Variants in PDS5A observed in about 807,000 individuals in gnomAD.
PDS5A encodes PDS5 cohesin associated factor A, also known as sister chromatid cohesion protein PDS5 homolog A.
PDS5A carries 42 observed loss-of-function variants against 167.1 expected under a neutral mutation model. The observed-to-expected ratio is 0.25, with a 90% confidence interval of 0.20 to 0.33. The LOEUF is 0.33. Among genes scored for constraint, PDS5A ranks in the 10% least tolerant of loss-of-function variants. The pLI is 1.00. For missense variants in PDS5A, 1,033 were observed against 1,605.9 expected (o/e 0.64, Z 6.10); for synonymous variants, 553 against 554.6 (o/e 1.00, Z 0.04).
chr4:39,952,962 T>C lies in PDS5A; in HGVS notation c.138+23478A>G, dbSNP rs561074152. 2.6e-5 allele frequency among the ~76,000 whole-genome samples: 4 copies of C among 152,214 alleles called. 1 individual carries two copies. The highest frequency in any genetic ancestry group is 2.0e-4 in the Admixed American group (3 of 15,268). On this transcript the variant is annotated intron_variant, in intron 2 of 32. Coordinates refer to ENST00000303538, the MANE Select transcript of PDS5A (RefSeq NM_001100399.2). ...TAGGCTGGTCTGGAACTCCTGACTT[T>C]AGGTTATCTGCCAGCCTTGGCCTCC...
At chr4:39,956,561 A>G (rs1422805254) in intron 2 of PDS5A, among the ~76,000 whole-genome samples, 1 of 152,024 alleles carries the variant, frequency 6.6e-6, no homozygotes, top group East Asian at 1.9e-4. Context: ...AAACAAAGCT[A>G]TACAACATTA....
At chr4:39,963,489 C>T (rs1729692742) in intron 2 of PDS5A, among the ~76,000 whole-genome samples, 1 of 151,810 alleles carries the variant, frequency 6.6e-6, no homozygotes, top group Non-Finnish European at 1.5e-5. Flanking sequence ...ACACAGTGGC[C>T]TGTAATCCTA....
Position 39,977,207 on chromosome 4 carries a change from C to T in PDS5A, c.-41+250G>A, listed in dbSNP as rs1355266794. On this transcript the variant is annotated intron_variant, in intron 1 of 32. Coordinates refer to ENST00000303538, the MANE Select transcript of PDS5A (RefSeq NM_001100399.2). This position sits in a 1 kb window ranked among gnomAD's most constrained non-coding sequence, Gnocchi z 4.2. ...GAGGGGAAAACAAGCCGCCCTCCAC[C>T]CTCAGCCCCACGCCAGGAAGCGGCT... 6.6e-6 allele frequency among the ~76,000 whole-genome samples: 1 copy of T among 152,148 alleles called. No individual in the cohort carries two copies. Among genetic ancestry groups the T allele is most frequent in the Admixed American group, 6.5e-5 (1 of 15,282 alleles).
chr4:39,887,846 C>G (rs1301753664), intron 17 of PDS5A, among the ~76,000 whole-genome samples: 1 of 152,002 alleles, frequency 6.6e-6, no homozygotes, highest in Non-Finnish European at 1.5e-5. Context: ...ATAACCAGAA[C>G]ATGTAAGGAG....
intron 32 of PDS5A, among the ~76,000 whole-genome samples, chr4:39,834,252 C>T (rs1716185142): frequency 6.6e-6 from 1 of 151,384 alleles, no homozygotes; most frequent in South Asian, 2.1e-4. Flanking sequence ...GAAAAGCAGA[C>T]TGGTCAAGAG....
chr4:39,912,477 T>G (rs1560477314), intron 9 of PDS5A, among the ~76,000 whole-genome samples: 1 of 152,334 alleles, frequency 6.6e-6, no homozygotes, highest in East Asian at 1.9e-4. Flanking sequence ...ATTCAACTAT[T>G]TAGCATTTAT....
chr4:39,899,372 C>T (rs1202348969), intron 14 of PDS5A, among the ~76,000 whole-genome samples: 2 of 152,054 alleles, frequency 1.3e-5, no homozygotes, highest in African/African-American at 2.4e-5. Context: ...TAATTTAGTT[C>T]AAAAGTTAGA....
intron 2 of PDS5A, among the ~76,000 whole-genome samples, chr4:39,950,323 A>C (rs1728226486): frequency 6.6e-6 from 1 of 152,046 alleles, no homozygotes; most frequent in Admixed American, 6.6e-5. Context: ...GCTACTTAGA[A>C]GGCTGAGGCA....
chr4:39,934,607 TTTTTTTTC>T (rs1273944662), intron 2 of PDS5A, among the ~76,000 whole-genome samples: 11 of 129,120 alleles, frequency 8.5e-5, no homozygotes, highest in African/African-American at 2.8e-4. Context: ...TAGTATTTCT[TTTTTTTTC>T]TTTTTTTTTT....
chr4:39,923,704 T>C (rs557822118), intron 5 of PDS5A, among the ~76,000 whole-genome samples: 11 of 147,552 alleles, frequency 7.5e-5, no homozygotes, highest in African/African-American at 2.5e-4. Context: ...CACTTCTGCT[T>C]ACATGCCCCA....
chr4:39,886,751 C>T (rs1041415970), intron 17 of PDS5A, among the ~76,000 whole-genome samples: 5 of 151,812 alleles, frequency 3.3e-5, no homozygotes, highest in East Asian at 1.9e-4. Context: ...TTCCATTTCA[C>T]GAGCATGGAA....
chr4:39,965,270 A>G (rs1407177512), intron 2 of PDS5A, among the ~76,000 whole-genome samples: 1 of 152,226 alleles, frequency 6.6e-6, no homozygotes, highest in Non-Finnish European at 1.5e-5. Flanking sequence ...TACATCTTAC[A>G]GAAAAGAACC....
At chr4:39,848,321 G>C (rs1717819715) in intron 28 of PDS5A, 1 of 153,364 alleles carries the variant, frequency 6.5e-6, no homozygotes, top group Admixed American at 6.5e-5. Context: ...TGCGTTACCT[G>C]AAAAATTTAC....
At chr4:39,907,883 G>A (rs1723536850) in intron 11 of PDS5A, among the ~76,000 whole-genome samples, 1 of 152,174 alleles carries the variant, frequency 6.6e-6, no homozygotes, top group Non-Finnish European at 1.5e-5. Flanking sequence ...ACCGCGCCCG[G>A]CAATCCATTT....
intron 10 of PDS5A, among the ~76,000 whole-genome samples, chr4:39,909,773 A>G (rs925273108): frequency 2.0e-5 from 3 of 152,242 alleles, no homozygotes; most frequent in Admixed American, 2.0e-4. Context: ...TCTAGATTCA[A>G]AAGAATGAAA....
intron 11 of PDS5A, among the ~76,000 whole-genome samples, chr4:39,906,393 T>A (rs1381302583): frequency 5.3e-5 from 8 of 151,524 alleles, no homozygotes; most frequent in Non-Finnish European, 1.2e-4. Context: ...ACCTTAGTGA[T>A]CACCGTAAGT....
chr4:39,832,060 G>A (rs1715947947), intron 32 of PDS5A, among the ~76,000 whole-genome samples: 1 of 149,624 alleles, frequency 6.7e-6, no homozygotes, highest in African/African-American at 2.5e-5. Flanking sequence ...AGAGGGTGCA[G>A]TGAGCCGAGA....
At chr4:39,882,232 T>A (rs1354537742) in intron 17 of PDS5A, among the ~76,000 whole-genome samples, 1 of 152,250 alleles carries the variant, frequency 6.6e-6, no homozygotes, top group African/African-American at 2.4e-5. Context: ...TTGTGCTTAT[T>A]TACCGTCTTA....
At chr4:39,897,900 T>A in intron 16 of PDS5A, 1 of 317,812 alleles carries the variant, frequency 3.1e-6, no homozygotes, top group Non-Finnish European at 4.5e-6. Context: ...AATGAATGCA[T>A]AAGTTTTCCC....
Sources: allele counts gnomAD v4.1 joint callset (sites outside exome capture counted in the v4.1 genomes callset), GRCh38; gene constraint gnomAD v4.1.1; non-coding constraint Gnocchi (gnomAD v3.1); transcripts MANE v1.5; gene names NCBI Gene and HGNC (gene_info 2026-07-23, HGNC 2026-07-21).